The following EML1 variants were observed in gnomAD, a reference collection of about 807,000 sequenced individuals.
EML1 encodes the protein EMAP like 1.
Under a neutral mutation model 110.4 loss-of-function variants are expected in EML1, and 27 were observed. The ratio of observed to expected loss-of-function variants is 0.24; its 90% confidence interval spans 0.18 to 0.34. The LOEUF (loss-of-function observed/expected upper bound fraction) is 0.34. Among genes scored for constraint, EML1 ranks in the 10% least tolerant of loss-of-function variants. EML1 has a pLI of 1.00. For synonymous variants in EML1, 344 were observed against 385.8 expected (o/e 0.89, Z 1.27); for missense variants, 741 against 1,030.9 (o/e 0.72, Z 3.85).
At chr14:99,822,265 T>G (rs2058276838) in intron 1 of EML1, among the ~76,000 whole-genome samples, 1 of 152,204 alleles carries the variant, frequency 6.6e-6, no homozygotes, top group Non-Finnish European at 1.5e-5. Context: ...GAATACCAAA[T>G]GCAGGCACTA....
chr14:99,926,156 A>C (rs1595492243), intron 17 of EML1, among the ~76,000 whole-genome samples: 2 of 152,176 alleles, frequency 1.3e-5, no homozygotes, highest in East Asian at 3.8e-4. Flanking sequence ...CAATTTACAG[A>C]GTCTGGAAAT....
chr14:99,816,364 T>C (rs2058167638), intron 1 of EML1, among the ~76,000 whole-genome samples: 1 of 152,222 alleles, frequency 6.6e-6, no homozygotes, highest in African/African-American at 2.4e-5. Flanking sequence ...GGTTTCACCA[T>C]GTTGGTAAGG....
At chr14:99,840,060 A>G (rs1257930509) in intron 1 of EML1, among the ~76,000 whole-genome samples, 2 of 152,222 alleles carry the variant, frequency 1.3e-5, no homozygotes, top group Admixed American at 6.5e-5. Context: ...ATTGGATACT[A>G]ATAGGATGAC....
At chr14:99,783,574 T>A (rs1335571332) in intron 1 of EML1, among the ~76,000 whole-genome samples, 3 of 149,888 alleles carry the variant, frequency 2.0e-5, no homozygotes, top group African/African-American at 7.4e-5. Context: ...AACCTCCACC[T>A]CCTGGGTTCA....
intron 5 of EML1, among the ~76,000 whole-genome samples, chr14:99,892,986 T>TTGGTTGTGG (rs3842313): frequency 0.29 from 43,455 of 151,752 alleles, 7,579 homozygotes; most frequent in African/African-American, 0.48. Flanking sequence ...TTTAGATTCT[T>TTGGTTGTGG]TGGTTGTGGT....
In EML1 at chr14:99,878,631, T is replaced by TG; in HGVS notation, c.518+12_518+13insG. 6.2e-7 allele frequency: 1 copy of TG among 1,611,044 alleles called. No individual in the cohort carries two copies. The highest frequency in any genetic ancestry group is 8.5e-7 in the Non-Finnish European group (1 of 1,178,720). On this transcript the variant is annotated intron_variant, in intron 4 of 21. Coordinates refer to ENST00000262233, the MANE Select transcript of EML1 (RefSeq NM_004434.3). The stretch of plus-strand genomic sequence containing the variant: ...AAGAACAGTGAAAGGTAAGGACGTC[T>TG]TATCTCTCAGTTCCTGCTGTTCAGA...
In EML1 at chr14:99,808,800, C is replaced by T. The variant is rs2058024537; in HGVS notation, c.67+15257C>T. Among the ~76,000 whole-genome samples the T allele has an allele frequency of 2.6e-5, 4 of 152,324 alleles. No individual in the cohort carries two copies. In the East Asian group the frequency reaches 5.8e-4, roughly 22 times the overall value. The stretch of plus-strand genomic sequence containing the variant: ...TCCATCCAATTCACTGCCCTTAGAA[C>T]ATAACCCCAATATAAAATGATCTCC... On this transcript the variant is annotated intron_variant, in intron 1 of 21. Transcript: ENST00000262233.
chr14:99,848,451 A>G (rs2058738907), intron 1 of EML1, among the ~76,000 whole-genome samples: 2 of 152,166 alleles, frequency 1.3e-5, no homozygotes, highest in South Asian at 4.1e-4. Flanking sequence ...GTATATATAT[A>G]TATTTTAAAA....
chr14:99,809,692 G>T (rs2058042392), intron 1 of EML1: 1 of 456,098 alleles, frequency 2.2e-6, no homozygotes, highest in South Asian at 1.5e-5. Flanking sequence ...TTGGTAACTT[G>T]TTTGCTAGTT....
At chr14:99,891,853 TTTC>T (rs1468602820) in intron 5 of EML1, among the ~76,000 whole-genome samples, 1 of 152,230 alleles carries the variant, frequency 6.6e-6, no homozygotes, top group African/African-American at 2.4e-5. Flanking sequence ...GTTCTAGTTT[TTTC>T]TTAAGTTCAG....
intron 9 of EML1, among the ~76,000 whole-genome samples, chr14:99,903,736 A>G (rs1246134776): frequency 6.6e-6 from 1 of 151,794 alleles, no homozygotes; most frequent in Non-Finnish European, 1.5e-5. Flanking sequence ...ACATTAGTGT[A>G]CTATTGATGT....
At chr14:99,795,254 T>A (rs1051820282) in intron 1 of EML1, among the ~76,000 whole-genome samples, 5 of 152,248 alleles carry the variant, frequency 3.3e-5, no homozygotes, top group African/African-American at 1.2e-4. Flanking sequence ...GTTTTCGTTT[T>A]CTGCATTTTC....
At chr14:99,882,132 A>G (rs188404548) in intron 4 of EML1, among the ~76,000 whole-genome samples, 2 of 152,362 alleles carry the variant, frequency 1.3e-5, no homozygotes, top group East Asian at 1.9e-4. Flanking sequence ...TACTTTATGT[A>G]TTATTGATGA....
At position 99,781,736 on chromosome 14, in the gene EML1, G is replaced by T. The variant is rs939412116; in HGVS notation, c.-27+7723G>T. 1.3e-5 allele frequency among the ~76,000 whole-genome samples: 2 copies of T among 152,218 alleles called. No homozygotes were observed. Among genetic ancestry groups the T allele is most frequent in the South Asian group, 2.1e-4 (1 of 4,834 alleles). On this transcript the variant is annotated intron_variant, in intron 1 of 22. Coordinates refer to the EML1 transcript ENST00000327921. The surrounding 1 kb of genome is among the most constrained non-coding windows in gnomAD (Gnocchi z 4.2). The stretch of plus-strand genomic sequence containing the variant: ...ACTGCAATGGGGCCAGATGCCTTCA[G>T]TCTGAGCTCCCTGTCCCCTCTTTGA...
intron 8 of EML1, 89 bp downstream of exon 8, chr14:99,898,391 T>G (rs2059705937): frequency 8.1e-7 from 1 of 1,241,538 alleles, no homozygotes; most frequent in Non-Finnish European, 1.1e-6. Flanking sequence ...GTAAGGCTGC[T>G]TAGATATAAT....
intron 1 of EML1, among the ~76,000 whole-genome samples, chr14:99,756,723 C>G (rs1005623937): frequency 2.6e-5 from 4 of 152,148 alleles, no homozygotes; most frequent in African/African-American, 7.2e-5. Flanking sequence ...GCCCCCACAC[C>G]TGTGGAATCT....
At chr14:99,753,474 C>A in intron 1 of EML1, among the ~76,000 whole-genome samples, 1 of 151,924 alleles carries the variant, frequency 6.6e-6, no homozygotes, top group Non-Finnish European at 1.5e-5. Context: ...CAGTGTTTCT[C>A]ACCTGGTGCC....
chr14:99,829,999 G>A lies in EML1; in HGVS notation c.68-20854G>A, dbSNP rs538429349. On this transcript the variant is annotated intron_variant, in intron 1 of 21. Transcript: ENST00000262233. ...AAGCCTCTGTTTTCAGTTCTATTGC[G>A]TGTCTACCTAGGAGTAGAATTGCCG... is the stretch of plus-strand genomic sequence containing the variant. 5.3e-5 allele frequency among the ~76,000 whole-genome samples: 8 copies of A among 152,270 alleles called. No homozygotes were observed. In the South Asian group the frequency reaches 6.2e-4, roughly 12 times the overall value.
intron 1 of EML1, among the ~76,000 whole-genome samples, chr14:99,783,911 C>T (rs1029313293): frequency 8.5e-5 from 13 of 152,172 alleles, no homozygotes; most frequent in African/African-American, 2.9e-4. Flanking sequence ...ATGCCAGGAA[C>T]GGCCATAAAA....
Sources: gnomAD v4.1 joint callset for allele counts (sites outside exome capture counted in the v4.1 genomes callset) on GRCh38, gnomAD v4.1.1 for gene constraint, Gnocchi (gnomAD v3.1) non-coding constraint, MANE v1.5 for transcripts, NCBI Gene and HGNC (gene_info 2026-07-23, HGNC 2026-07-21) for gene names.